Variants in MLXIP observed in about 807,000 individuals in gnomAD.
MLXIP encodes the protein MLX interacting protein, also known as MLX-interacting protein.
MLXIP carries 30 observed loss-of-function variants against 87.2 expected under a neutral mutation model. That is an observed-to-expected ratio of 0.34 (90% CI 0.26 to 0.47). The LOEUF (loss-of-function observed/expected upper bound fraction) is 0.47. MLXIP is among the 20% of genes least tolerant of loss of function. The pLI, the probability that MLXIP is intolerant of heterozygous loss-of-function variation, is 1.00. For synonymous variants in MLXIP, 530 were observed against 514.0 expected (o/e 1.03, Z -0.42); for missense variants, 1,002 against 1,240.1 (o/e 0.81, Z 2.88).
At chr12:122,113,748 G>C (rs943721377) in intron 1 of MLXIP, among the ~76,000 whole-genome samples, 1 of 129,868 alleles carries the variant, frequency 7.7e-6, no homozygotes, top group Non-Finnish European at 1.5e-5. Flanking sequence ...ACAGTGGTAC[G>C]ATCTCAGCTC....
chr12:122,125,450 G>T (rs184249959), intron 1 of MLXIP, among the ~76,000 whole-genome samples: 140 of 152,294 alleles, frequency 9.2e-4, no homozygotes, highest in Non-Finnish European at 1.6e-3. Context: ...AAACATGTAT[G>T]TGTGTGTGTA....
chr12:122,104,602 C>G (rs189094312), intron 1 of MLXIP, among the ~76,000 whole-genome samples: 4 of 114,798 alleles, frequency 3.5e-5, no homozygotes, highest in Non-Finnish European at 6.7e-5. Context: ...TTTTTTGAGA[C>G]GGAGTCTCAC....
chr12:122,081,649 C>G (rs1187356213), intron 1 of MLXIP, among the ~76,000 whole-genome samples: 1 of 151,964 alleles, frequency 6.6e-6, no homozygotes, highest in East Asian at 1.9e-4. Flanking sequence ...TAGCAAGATC[C>G]CCATCTCTAA....
chr12:122,130,768 T>C (rs1952963840), intron 6 of MLXIP, 76 bp from the exon 7 acceptor site: 5 of 1,015,646 alleles, frequency 4.9e-6, no homozygotes, highest in Non-Finnish European at 7.9e-6. Flanking sequence ...CAGGAAGTTC[T>C]GTTCCAGGCC....
intron 1 of MLXIP, among the ~76,000 whole-genome samples, chr12:122,101,603 C>T (rs1460116995): frequency 2.6e-4 from 29 of 113,154 alleles, no homozygotes; most frequent in African/African-American, 6.0e-4. Context: ...TTTTTTGAGA[C>T]GGAGTCTCGC....
rs1482592364 is a variant in MLXIP at position 122,145,334 on chromosome 12, C to T, written c.*3522C>T. 1.3e-5 allele frequency: 2 copies of T among 152,298 alleles called. No homozygotes were observed. The highest frequency in any genetic ancestry group is 2.9e-5 in the Non-Finnish European group (2 of 68,114). The allele number at this position is 152,298 out of a possible 1,614,324, so 9.4% of individuals were successfully genotyped here. A position where few individuals can be genotyped will look rare whatever the true frequency, so the allele number is the denominator to read the frequency against. On this transcript the variant is annotated 3_prime_UTR_variant, in exon 17 of 17. Coordinates refer to ENST00000319080, the MANE Select transcript of MLXIP (RefSeq NM_014938.6). ...GCCCTCCCATTTCCCGCCCATGGGC[C>T]CTGACCACACTCCCTTTTCTAGAAG...
chr12:122,129,311 C>G (rs768294995), intron 4 of MLXIP, 85 bp downstream of exon 4: 1 of 1,235,540 alleles, frequency 8.1e-7, no homozygotes, highest in Non-Finnish European at 1.2e-6. Context: ...AGGCGGTAGG[C>G]TCCACAGCCG....
At chr12:122,111,776 A>C (rs1411520795) in intron 1 of MLXIP, among the ~76,000 whole-genome samples, 1 of 152,210 alleles carries the variant, frequency 6.6e-6, no homozygotes, top group Non-Finnish European at 1.5e-5. Flanking sequence ...AAGGAGGTTC[A>C]TGAAGCAAAT....
In MLXIP at chr12:122,079,206, G is replaced by C. The variant is rs1159498102; in HGVS notation, c.353G>C (p.Cys118Ser). 1.7e-5 allele frequency: 26 copies of C among 1,551,094 alleles called. No individual in the cohort carries two copies. Among genetic ancestry groups the C allele is most frequent in the Non-Finnish European group, 3.5e-6 (4 of 1,146,822 alleles). Reference protein sequence around the residue: ...QTYSFGKTSSCHLSIDASLTK... With the variant: ...QTYSFGKTSSSHLSIDASLTK... ...TACAGCTTCGGCAAGACTAGCTCCT[G>C]CCACCTGTCCATCGACGCCTCGCTC... The change falls in exon 1 of 17, where the codon TGC (cysteine) becomes TCC (serine). Residue 118 changes from cysteine (C) to serine (S), a missense_variant. Coordinates refer to ENST00000319080, the MANE Select transcript of MLXIP (RefSeq NM_014938.6).
At position 122,078,943 on chromosome 12, in the gene MLXIP, C is replaced by A; in HGVS notation, c.90C>A (p.Asp30Glu). ...VLLKPQVSED[D>E]DDSDTDEPSP... is the part of the protein sequence containing the mutation. ...TCAAGCCCCAGGTGTCCGAGGACGA[C>A]GACGACTCGGACACGGATGAGCCGT... is the stretch of plus-strand genomic sequence containing the variant. Residue 30 changes from aspartate (D) to glutamate (E), a missense_variant, in exon 1 of 17, where the codon GAC (aspartate) becomes GAA (glutamate). By Grantham distance (45) the Asp-to-Glu change is conservative. Around this residue, in one of 3 missense-constraint regions of MLXIP, gnomAD observed 129 missense variants for 104.2 expected, o/e 1.24. Transcript: ENST00000319080. 4 of 1,119,688 alleles carry A rather than the reference C, an allele frequency of 3.6e-6. No individual in the cohort carries two copies. Among genetic ancestry groups the A allele is most frequent in the Non-Finnish European group, 4.4e-6 (4 of 910,386 alleles). The allele number at this position is 1,119,688 out of a possible 1,614,324, so 69.4% of individuals were successfully genotyped here. A position where few individuals can be genotyped will look rare whatever the true frequency, so the allele number is the denominator to read the frequency against.
At chr12:122,089,028 A>AG (rs1869951392) in intron 1 of MLXIP, among the ~76,000 whole-genome samples, 1 of 151,564 alleles carries the variant, frequency 6.6e-6, no homozygotes, top group Non-Finnish European at 1.5e-5. Flanking sequence ...AAAAAAAAAA[A>AG]AAAATTAGCT....
chr12:122,129,795 G>C (rs1952943513), intron 5 of MLXIP, 146 bp from the exon 6 acceptor site: 2 of 1,290,516 alleles, frequency 1.5e-6, no homozygotes, highest in Non-Finnish European at 2.1e-6. Flanking sequence ...GTGGGCTGGA[G>C]GGAGCCGCTC....
At chr12:122,130,999 G>A (rs1362825156) in intron 7 of MLXIP, 66 bp downstream of exon 7, 6 of 1,079,122 alleles carry the variant, frequency 5.6e-6, no homozygotes, top group South Asian at 1.3e-5. Flanking sequence ...AGAGCAGATC[G>A]CTGCCTTCCT....
chr12:122,089,599 C>T (rs1277133667), intron 1 of MLXIP, among the ~76,000 whole-genome samples: 2 of 152,078 alleles, frequency 1.3e-5, no homozygotes, highest in African/African-American at 4.8e-5. Context: ...ATAAAATGGA[C>T]CCATTGTAAG....
intron 1 of MLXIP, among the ~76,000 whole-genome samples, chr12:122,126,910 G>T (rs1284836828): frequency 3.9e-5 from 6 of 152,182 alleles, no homozygotes; most frequent in African/African-American, 1.4e-4. Flanking sequence ...GGCACTCACT[G>T]CATGCCCAGT....
At chr12:122,122,766 C>A (rs1457606744) in intron 1 of MLXIP, among the ~76,000 whole-genome samples, 5 of 151,948 alleles carry the variant, frequency 3.3e-5, no homozygotes, top group Non-Finnish European at 7.4e-5. Context: ...CCAGGATGGT[C>A]TCGATCTCTT....
chr12:122,137,197 C>T lies in MLXIP; in HGVS notation c.2033-272C>T, dbSNP rs887622362. ...TAAAGAGCCCACCTGCGAAATATCT[C>T]GTAAAGCGACACCAGTGACTGGAAC... On this transcript the variant is annotated intron_variant, in intron 11 of 16. Coordinates refer to ENST00000319080, the MANE Select transcript of MLXIP (RefSeq NM_014938.6). The surrounding 1 kb of genome is among the most constrained non-coding windows in gnomAD (Gnocchi z 4.1). 3.8e-5 allele frequency: 11 copies of T among 286,048 alleles called. No homozygotes were observed. The highest frequency in any genetic ancestry group is 5.2e-5 in the Admixed American group (1 of 19,344). 17.7% of individuals were successfully genotyped at this position (286,048 alleles called of 1,614,324 possible). A position where few individuals can be genotyped will look rare whatever the true frequency, so the allele number is the denominator to read the frequency against.
chr12:122,126,933 A>T (rs1952890371), intron 1 of MLXIP, among the ~76,000 whole-genome samples: 1 of 152,182 alleles, frequency 6.6e-6, no homozygotes, highest in Non-Finnish European at 1.5e-5. Flanking sequence ...TCAGTTTGTT[A>T]GTCTGGTTCA....
rs1417828488 is a variant in MLXIP, at chr12:122,130,833, G to A, written c.911-11G>A. ...AAGACAAAATGGTTCCTCTCTCTGTGATTCTTGCAGCACATCTGGGAAATG... is the reference window on the plus strand; with the variant it reads ...AAGACAAAATGGTTCCTCTCTCTGTAATTCTTGCAGCACATCTGGGAAATG... On this transcript the variant is annotated splice_polypyrimidine_tract_variant and intron_variant, in intron 6 of 16. Transcript: ENST00000319080. 1 of 1,604,608 alleles carries A rather than the reference G, an allele frequency of 6.2e-7. No individual in the cohort carries two copies. Among genetic ancestry groups the A allele is most frequent in the African/African-American group, 1.3e-5 (1 of 74,672 alleles).
Sources: allele counts gnomAD v4.1 joint callset (sites outside exome capture counted in the v4.1 genomes callset), GRCh38; gene constraint gnomAD v4.1.1; regional missense constraint gnomAD v4.1.1; non-coding constraint Gnocchi (gnomAD v3.1); transcripts MANE v1.5; gene names NCBI Gene and HGNC (gene_info 2026-07-23, HGNC 2026-07-21).